The following COL19A1 variants were observed in gnomAD, a reference collection of about 807,000 sequenced individuals.
COL19A1 encodes collagen type XIX alpha 1 chain.
In COL19A1, 159 loss-of-function variants were observed where a neutral mutation model predicts 190.2. That is an observed-to-expected ratio of 0.84 (90% CI 0.73 to 0.95). COL19A1 has a LOEUF of 0.95. COL19A1 is among the 40% of genes least tolerant of loss of function. The pLI, the probability that COL19A1 is intolerant of heterozygous loss-of-function variation, is 0.00. For synonymous variants in COL19A1, 509 were observed against 458.9 expected (o/e 1.11, Z -1.39); for missense variants, 1,418 against 1,431.9 (o/e 0.99, Z 0.16).
intron 7 of COL19A1, among the ~76,000 whole-genome samples, chr6:69,934,992 G>A (rs1324408633): frequency 1.3e-5 from 2 of 151,792 alleles, no homozygotes; most frequent in Non-Finnish European, 1.5e-5. Context: ...AATCACACAT[G>A]TTTTCTGGTT....
chr6:70,154,811 T>C (rs1787338070), intron 31 of COL19A1, among the ~76,000 whole-genome samples: 1 of 152,078 alleles, frequency 6.6e-6, no homozygotes, highest in Non-Finnish European at 1.5e-5. Flanking sequence ...GAGTCTTATG[T>C]TTGAGGGCAG....
At chr6:70,156,494 G>GGA (rs151040381) in intron 33 of COL19A1, 125 bp downstream of exon 33, 674 of 847,160 alleles carry the variant, frequency 8.0e-4, no homozygotes, top group African/African-American at 1.3e-3. Context: ...GTATGTATAT[G>GGA]GAGAGAGAGA....
intron 41 of COL19A1, among the ~76,000 whole-genome samples, chr6:70,176,075 A>G (rs561127687): frequency 1.7e-4 from 26 of 152,342 alleles, no homozygotes; most frequent in African/African-American, 6.0e-4. Flanking sequence ...ACAAATCATT[A>G]GTTGTAGATC....
At chr6:70,171,267 C>T (rs1765485156) in intron 40 of COL19A1, among the ~76,000 whole-genome samples, 1 of 152,134 alleles carries the variant, frequency 6.6e-6, no homozygotes, top group Non-Finnish European at 1.5e-5. Flanking sequence ...ACACCCCTTC[C>T]CTAATGCTTT....
chr6:70,048,424 A>G (rs1780021061), intron 14 of COL19A1, among the ~76,000 whole-genome samples: 1 of 152,094 alleles, frequency 6.6e-6, no homozygotes, highest in African/African-American at 2.4e-5. Flanking sequence ...TTGAATGCTT[A>G]CTGTGTGCCA....
At chr6:70,183,802 A>G (rs1766330856) in intron 44 of COL19A1, among the ~76,000 whole-genome samples, 1 of 152,234 alleles carries the variant, frequency 6.6e-6, no homozygotes, top group African/African-American at 2.4e-5. Context: ...GCACAATAAA[A>G]GTCCCTTGGG....
At chr6:70,004,181 A>G (rs1411918980) in intron 11 of COL19A1, among the ~76,000 whole-genome samples, 1 of 152,150 alleles carries the variant, frequency 6.6e-6, no homozygotes, top group Admixed American at 6.5e-5. Flanking sequence ...CTTTCTTTTA[A>G]GAATGTTGAA....
intron 34 of COL19A1, among the ~76,000 whole-genome samples, chr6:70,160,762 T>A (rs961255710): frequency 6.6e-6 from 1 of 152,202 alleles, no homozygotes; most frequent in Non-Finnish European, 1.5e-5. Flanking sequence ...ATAAAACTTA[T>A]CTATTTGTCG....
At chr6:69,891,126 AG>A in intron 2 of COL19A1, 1 of 215,292 alleles carries the variant, frequency 4.6e-6, no homozygotes, top group Non-Finnish European at 1.0e-5. Context: ...AAACAAGGGG[AG>A]GGATAAGGAC....
At chr6:69,871,489 T>C (rs944742386) in intron 1 of COL19A1, among the ~76,000 whole-genome samples, 4 of 152,216 alleles carry the variant, frequency 2.6e-5, no homozygotes, top group Admixed American at 6.5e-5. Context: ...ATTTAACAAA[T>C]TAAATCTACT....
intron 11 of COL19A1, among the ~76,000 whole-genome samples, chr6:70,005,805 C>T (rs536391078): frequency 1.3e-5 from 2 of 152,122 alleles, no homozygotes; most frequent in South Asian, 4.1e-4. Flanking sequence ...TCGCCCCCTG[C>T]CCAGGGGCTC....
intron 14 of COL19A1, among the ~76,000 whole-genome samples, chr6:70,048,624 G>A (rs1435432507): frequency 1.3e-5 from 2 of 152,208 alleles, no homozygotes; most frequent in South Asian, 2.1e-4. Context: ...ATTATACACA[G>A]ACATCTAGTT....
Position 70,180,490 on chromosome 6 carries a change from T to C in COL19A1, c.2742T>C (p.Gly914=). The change falls in exon 44 of 51, where the codon GGT becomes GGC. Residue 914 remains glycine, a synonymous_variant. Transcript: ENST00000620364. The stretch of plus-strand genomic sequence containing the variant: ...AGAGAGGACCTGTTGGAGATATAGG[T>C]TTCCCTGGACCAGAAGGACCCTCAG... ...PGERGPVGDI[G]FPGPEGPSGK... 1 of 1,614,092 alleles carries C rather than the reference T, an allele frequency of 6.2e-7. No homozygotes were observed. Among genetic ancestry groups the C allele is most frequent in the Non-Finnish European group, 8.5e-7 (1 of 1,179,994 alleles).
At chr6:70,034,441 G>C (rs1008899303) in intron 13 of COL19A1, 143 bp downstream of exon 13, 1 of 628,876 alleles carries the variant, frequency 1.6e-6, no homozygotes, top group Non-Finnish European at 2.9e-6. Flanking sequence ...ATCTGAATAA[G>C]AACAGCCTTT....
At chr6:69,916,431 AT>A (rs1004582052) in intron 4 of COL19A1, among the ~76,000 whole-genome samples, 3 of 152,070 alleles carry the variant, frequency 2.0e-5, no homozygotes, top group Non-Finnish European at 4.4e-5. Context: ...AATATTCCTG[AT>A]TTTTTTTCAT....
At chr6:70,076,112 C>G (rs1240860328) in intron 15 of COL19A1, among the ~76,000 whole-genome samples, 1 of 152,208 alleles carries the variant, frequency 6.6e-6, no homozygotes, top group East Asian at 1.9e-4. Flanking sequence ...CTGAGAGCTT[C>G]AGAAAGAAGC....
At chr6:70,008,080 A>T (rs1335052796) in intron 11 of COL19A1, among the ~76,000 whole-genome samples, 1 of 151,988 alleles carries the variant, frequency 6.6e-6, no homozygotes, top group East Asian at 1.9e-4. Context: ...ATTAGAAAGG[A>T]ATAAAAATTG....
At chr6:70,089,518 T>C (rs1782778913) in intron 15 of COL19A1, among the ~76,000 whole-genome samples, 2 of 152,226 alleles carry the variant, frequency 1.3e-5, no homozygotes, top group African/African-American at 4.8e-5. Flanking sequence ...ACATCCTTGT[T>C]TCTCCTGCAA....
chr6:69,928,513 G>T (rs760936345), intron 5 of COL19A1, among the ~76,000 whole-genome samples: 11 of 152,022 alleles, frequency 7.2e-5, no homozygotes, highest in African/African-American at 2.7e-4. Flanking sequence ...GACAAGAAAA[G>T]AGATCTGAAA....
Sources: gnomAD v4.1 joint callset for allele counts (sites outside exome capture counted in the v4.1 genomes callset) on GRCh38, gnomAD v4.1.1 for gene constraint, MANE v1.5 for transcripts, NCBI Gene and HGNC (gene_info 2026-07-23, HGNC 2026-07-21) for gene names.